Variants in GOPC observed in about 807,000 individuals in gnomAD.
GOPC encodes Golgi-associated PDZ and coiled-coil motif-containing protein.
In GOPC, 32 loss-of-function variants were observed where a neutral mutation model predicts 51.2. The observed-to-expected ratio is 0.63, with a 90% CI of 0.47 to 0.84. The LOEUF is 0.84. Ranked by LOEUF, GOPC falls within the 40% of genes least tolerant of loss-of-function variation. The pLI is 0.00. For synonymous variants in GOPC, 190 were observed against 205.1 expected (o/e 0.93, Z 0.63); for missense variants, 441 against 555.5 (o/e 0.79, Z 2.07).
At chr6:117,588,967 G>C (rs1277871921) in intron 1 of GOPC, among the ~76,000 whole-genome samples, 1 of 152,100 alleles carries the variant, frequency 6.6e-6, no homozygotes, top group Admixed American at 6.5e-5. Flanking sequence ...GCAATCTTTT[G>C]GCTTCCCTGG....
Position 117,569,575 on chromosome 6 carries a change from C to T in GOPC, c.1074G>A (p.Gln358=). The T allele has an allele frequency of 6.2e-7, 1 of 1,612,502 alleles. No homozygotes were observed. Among genetic ancestry groups the T allele is most frequent in the Non-Finnish European group, 8.5e-7 (1 of 1,179,354 alleles). Residue 358 remains glutamine, a synonymous_variant, in exon 7 of 9, where the codon CAG becomes CAA. Coordinates refer to ENST00000368498, the MANE Select transcript of GOPC (RefSeq NM_020399.4). ...TAATTACATGAAGGGAATTTACCTG[C>T]TGAGAAAGAATAGTTACAGCTTCTT... ...KHKEAVTILS[Q]QRGEIEFEVV... is the part of the protein sequence containing the mutation.
intron 1 of GOPC, among the ~76,000 whole-genome samples, chr6:117,585,372 TGAA>T (rs1488925442): frequency 6.6e-6 from 1 of 152,214 alleles, no homozygotes; most frequent in Non-Finnish European, 1.5e-5. Context: ...CCTCATGTTT[TGAA>T]GGAGGAGCAA....
chr6:117,576,094 G>A (rs1779877636), intron 3 of GOPC, among the ~76,000 whole-genome samples: 1 of 151,708 alleles, frequency 6.6e-6, no homozygotes, highest in Non-Finnish European at 1.5e-5. Context: ...CTACTGTTTT[G>A]AACAACATCA....
rs763531418 is a variant in GOPC at position 117,579,059 on chromosome 6, C to T, written c.291G>A (p.Gln97=). ...VSQINHKLEA[Q]LVDLKSELTE... is the part of the protein sequence containing the mutation. ...TCAGTTCAGATTTCAGATCCACCAA[C>T]TGTGCCTTATAAAGAAAACAATAGA... Residue 97 remains glutamine, a synonymous_variant, in exon 2 of 9, where the codon CAG becomes CAA. Coordinates refer to ENST00000368498, the MANE Select transcript of GOPC (RefSeq NM_020399.4). 23 of 1,601,022 alleles carry T rather than the reference C, an allele frequency of 1.4e-5. No individual in the cohort carries two copies. Among genetic ancestry groups the T allele is most frequent in the Non-Finnish European group, 1.7e-5 (20 of 1,175,588 alleles).
At chr6:117,589,288 A>G (rs1780079745) in intron 1 of GOPC, among the ~76,000 whole-genome samples, 1 of 152,178 alleles carries the variant, frequency 6.6e-6, no homozygotes, top group Non-Finnish European at 1.5e-5. Flanking sequence ...TTATTCAAAA[A>G]GCAATTGATG....
intron 1 of GOPC, among the ~76,000 whole-genome samples, chr6:117,581,860 CTT>C (rs1779963849): frequency 1.3e-5 from 2 of 152,096 alleles, no homozygotes; most frequent in South Asian, 2.1e-4. Flanking sequence ...ATATATTTCT[CTT>C]GAGTATATAT....
chr6:117,598,169 A>G (rs888967755), intron 1 of GOPC, among the ~76,000 whole-genome samples: 13 of 150,712 alleles, frequency 8.6e-5, no homozygotes, highest in Non-Finnish European at 1.5e-4. Context: ...GACCAGCCTA[A>G]GCAACATAGT....
chr6:117,602,334 C>A lies in GOPC; in HGVS notation c.-46G>T. On this transcript the variant is annotated 5_prime_UTR_variant, in exon 1 of 9. Coordinates refer to ENST00000368498, the MANE Select transcript of GOPC (RefSeq NM_020399.4). Reference sequence around the variant, plus strand: ...CCGACTGCTGAAGACCCTCGCCGCCCCCCGCGCACGAAGGGAACTGCTGGG... The same window carrying A: ...CCGACTGCTGAAGACCCTCGCCGCCACCCGCGCACGAAGGGAACTGCTGGG... The A allele has an allele frequency of 2.0e-6, 3 of 1,507,496 alleles. No individual in the cohort carries two copies. Among genetic ancestry groups the A allele is most frequent in the Non-Finnish European group, 2.6e-6 (3 of 1,136,982 alleles). 93.4% of individuals were successfully genotyped at this position (1,507,496 alleles called of 1,614,324 possible).
At chr6:117,593,591 C>T (rs113597577) in intron 1 of GOPC, among the ~76,000 whole-genome samples, 6 of 152,248 alleles carry the variant, frequency 3.9e-5, no homozygotes, top group African/African-American at 1.4e-4. Context: ...TCTCTAGCTC[C>T]GTAGCCTCAG....
chr6:117,569,606 T>G lies in GOPC; in HGVS notation c.1043A>C (p.Lys348Thr). 2 of 1,613,238 alleles carry G rather than the reference T, an allele frequency of 1.2e-6. No individual in the cohort carries two copies. Among genetic ancestry groups the G allele is most frequent in the Non-Finnish European group, 1.7e-6 (2 of 1,179,710 alleles). Residue 348 changes from lysine (K) to threonine (T), a missense_variant, in exon 7 of 9, where the codon AAG becomes ACG. By Grantham distance (78) the Lys-to-Thr change is moderately conservative (BLOSUM62 -1). Coordinates refer to ENST00000368498, the MANE Select transcript of GOPC (RefSeq NM_020399.4). ...AVNGVNLRDT[K>T]HKEAVTILSQ... The stretch of plus-strand genomic sequence containing the variant: ...AAGAATAGTTACAGCTTCTTTATGC[T>G]TTGTGTCCCTTAGGTTAACTCCGTT...
chr6:117,584,394 C>T (rs974640692), intron 1 of GOPC, among the ~76,000 whole-genome samples: 3 of 152,210 alleles, frequency 2.0e-5, no homozygotes, highest in Admixed American at 2.0e-4. Flanking sequence ...GAACTTCTGA[C>T]TGAATGGCTT....
chr6:117,574,983 G>A (rs1165982755), intron 4 of GOPC, among the ~76,000 whole-genome samples, 194 bp downstream of exon 4: 2 of 152,176 alleles, frequency 1.3e-5, no homozygotes, highest in Non-Finnish European at 2.9e-5. Flanking sequence ...GGAGGCTGAG[G>A]TAGGAGAATC....
At position 117,569,643 on chromosome 6, in the gene GOPC, T is replaced by C. The variant is rs761284104; in HGVS notation, c.1006A>G (p.Ile336Val). Reference protein sequence around the residue: ...RCGGLHVGDAILAVNGVNLRD... With the variant: ...RCGGLHVGDAVLAVNGVNLRD... ...AGGTTAACTCCGTTGACTGCCAAAA[T>C]AGCATCCCCAACGTGCAGCCCTCCG... Residue 336 changes from isoleucine (I) to valine (V), a missense_variant, in exon 7 of 9, where the codon ATT becomes GTT. Physicochemically the swap from Ile to Val is conservative, Grantham distance 29. Around this residue, in one of 3 missense-constraint regions of GOPC, gnomAD observed 166 missense variants for 267.0 expected, o/e 0.62. Transcript: ENST00000368498. The C allele has an allele frequency of 8.1e-6, 13 of 1,613,308 alleles. No individual in the cohort carries two copies. In the South Asian group the frequency reaches 1.1e-4, roughly 14 times the overall value.
In GOPC at chr6:117,602,085, C is replaced by T. The variant is rs762908946; in HGVS notation, c.204G>A (p.Gln68=). 6 of 1,614,104 alleles carry T rather than the reference C, an allele frequency of 3.7e-6. No homozygotes were observed. Among genetic ancestry groups the T allele is most frequent in the Non-Finnish European group, 5.1e-6 (6 of 1,180,050 alleles). Residue 68 remains glutamine (Q), a synonymous_variant, in exon 1 of 9, where the codon CAG becomes CAA. Coordinates refer to ENST00000368498, the MANE Select transcript of GOPC (RefSeq NM_020399.4). The stretch of plus-strand genomic sequence containing the variant: ...AGCAGGAGCTCAGGCTGGTCATCTT[C>T]TGTCGCCCCTCATAAGTGATGTCCG... ...DQADITYEGR[Q]KMTSLSSCFA... is the part of the protein sequence containing the mutation.
At chr6:117,575,494 C>A (rs1390839996) in intron 3 of GOPC, 142 bp from the exon 4 acceptor site, 2 of 784,396 alleles carry the variant, frequency 2.5e-6, no homozygotes, top group Non-Finnish European at 4.6e-6. Context: ...GGATGTAGTT[C>A]TTTTGAACTA....
chr6:117,573,540 C>T lies in GOPC; in HGVS notation c.743G>A (p.Arg248His), dbSNP rs373946370. Residue 248 changes from arginine to histidine, a missense_variant, in exon 5 of 9, where the codon CGT becomes CAT. Physicochemically the swap from Arg to His is conservative, Grantham distance 29. Around this residue, in one of 3 missense-constraint regions of GOPC, gnomAD observed 166 missense variants for 267.0 expected, o/e 0.62. Transcript: ENST00000368498. ...NQLEAEIHLHRHKTVIRACRG... is the reference protein window; with the variant it reads ...NQLEAEIHLHHHKTVIRACRG... ...GCAGGCTCGGATCACAGTTTTGTGA[C>T]GATGCAAATGTATTTCAGCTTCTAA... The T allele has an allele frequency of 1.5e-5, 24 of 1,613,842 alleles. No homozygotes were observed. Among genetic ancestry groups the T allele is most frequent in the South Asian group, 1.1e-4 (10 of 91,064 alleles).
intron 3 of GOPC, among the ~76,000 whole-genome samples, chr6:117,576,514 G>C (rs2114613001): frequency 6.6e-6 from 1 of 152,196 alleles, no homozygotes; most frequent in Non-Finnish European, 1.5e-5. Flanking sequence ...ACTTTTGAAA[G>C]AGCACTCCTA....
chr6:117,575,514 C>T (rs563415667), intron 3 of GOPC, 162 bp from the exon 4 acceptor site: 46 of 767,132 alleles, frequency 6.0e-5, no homozygotes, highest in South Asian at 5.6e-4. Flanking sequence ...AGTACCATAA[C>T]ATCTTGGAAC....
chr6:117,602,464 A>C lies in GOPC; in HGVS notation c.-176T>G. 1 of 638,654 alleles carries C rather than the reference A, an allele frequency of 1.6e-6. No homozygotes were observed. The highest frequency in any genetic ancestry group is 2.7e-6 in the Non-Finnish European group (1 of 374,750). 39.6% of individuals were successfully genotyped at this position (638,654 alleles called of 1,614,324 possible). On this transcript the variant is annotated 5_prime_UTR_variant, in exon 1 of 9. Coordinates refer to ENST00000368498, the MANE Select transcript of GOPC (RefSeq NM_020399.4). ...CAGAACCGCAGGAGTAACGAGGCTG[A>C]AGCTGAGGCGGCAACGGCGGCGACA...
Sources: allele counts gnomAD v4.1 joint callset (sites outside exome capture counted in the v4.1 genomes callset), GRCh38; gene constraint gnomAD v4.1.1; regional missense constraint gnomAD v4.1.1; transcripts MANE v1.5; gene names NCBI Gene and HGNC (gene_info 2026-07-23, HGNC 2026-07-21).